The following MYBPC2 variants were observed in gnomAD, a reference collection of about 807,000 sequenced individuals.
MYBPC2 encodes the protein myosin binding protein C2, also known as myosin-binding protein C, fast-type.
Under a neutral mutation model 137.0 loss-of-function variants are expected in MYBPC2, and 122 were observed. The observed-to-expected ratio is 0.89, with a 90% CI of 0.77 to 1.03. The LOEUF (loss-of-function observed/expected upper bound fraction) is 1.03, where lower values mean the gene tolerates loss of function less well. Ranked by LOEUF, MYBPC2 falls within the 50% of genes least tolerant of loss-of-function variation. The pLI is 0.00. For missense variants in MYBPC2, 1,500 were observed against 1,534.4 expected (o/e 0.98, Z 0.37); for synonymous variants, 626 against 612.3 (o/e 1.02, Z -0.33).
chr19:50,456,387 TCC>T (rs2039914235), intron 20 of MYBPC2, among the ~76,000 whole-genome samples: 1 of 147,266 alleles, frequency 6.8e-6, no homozygotes, highest in Non-Finnish European at 1.5e-5. Context: ...TATCCATCCA[TCC>T]ATCCATCCAT....
chr19:50,448,133 C>G lies in MYBPC2; in HGVS notation c.1307-92C>G, dbSNP rs1223731723. On this transcript the variant is annotated intron_variant, in intron 12 of 27. Transcript: ENST00000357701. ...TGTCTGTGGCTGGTATCCCCAGTGC[C>G]TAGACCAGCGCCTGGCACACAGTGG... 9 of 1,451,372 alleles carry G rather than the reference C, an allele frequency of 6.2e-6. No homozygotes were observed. The Admixed American group carries it at 1.9e-4, about 30-fold the overall frequency. The allele number at this position is 1,451,372 out of a possible 1,614,324, so 89.9% of individuals were successfully genotyped here.
chr19:50,463,938 CAA>C (rs5828433), intron 26 of MYBPC2, among the ~76,000 whole-genome samples: 26,314 of 131,066 alleles, frequency 0.2, 2,976 homozygotes, highest in East Asian at 0.41. Context: ...GATTCTGTCT[CAA>C]AAAAAAAAAA....
At chr19:50,458,518 C>G (rs1012012181) in intron 20 of MYBPC2, 69 bp from the exon 21 acceptor site, 3 of 1,560,200 alleles carry the variant, frequency 1.9e-6, no homozygotes, top group Non-Finnish European at 2.6e-6. Flanking sequence ...GGGCCCAAGT[C>G]CCCGGGAGAA....
At chr19:50,443,942 C>A in intron 11 of MYBPC2, 126 bp downstream of exon 11, 1 of 831,106 alleles carries the variant, frequency 1.2e-6, no homozygotes, top group Non-Finnish European at 1.9e-6. Flanking sequence ...TAGTCATCCC[C>A]AGGAGATCTC....
At chr19:50,461,275 G>T (rs933261312) in intron 24 of MYBPC2, among the ~76,000 whole-genome samples, 5 of 152,166 alleles carry the variant, frequency 3.3e-5, no homozygotes, top group African/African-American at 1.2e-4. Flanking sequence ...AAAGAGCTGG[G>T]ATTACAGGCA....
In MYBPC2 at chr19:50,454,242, C is replaced by A. The variant is rs750872176; in HGVS notation, c.1910-23C>A. 17 of 1,613,748 alleles carry A rather than the reference C, an allele frequency of 1.1e-5. No homozygotes were observed. In the Admixed American group the frequency reaches 1.3e-4, roughly 13 times the overall value. ...GACTCCCTGAGGCCTCGAGGGGCCA[C>A]CTGACTCTCCTGCCCCCTGCAGATG... On this transcript the variant is annotated intron_variant, in intron 17 of 27. Coordinates refer to ENST00000357701, the MANE Select transcript of MYBPC2 (RefSeq NM_004533.4).
Position 50,435,230 on chromosome 19 carries a change from C to A in MYBPC2, c.89C>A (p.Ala30Asp). The A allele has an allele frequency of 1.6e-6, 2 of 1,284,022 alleles. No individual in the cohort carries two copies. The highest frequency in any genetic ancestry group is 2.2e-6 in the Non-Finnish European group (2 of 889,412). 79.5% of individuals were successfully genotyped at this position (1,284,022 alleles called of 1,614,324 possible). A position where few individuals can be genotyped will look rare whatever the true frequency, so the allele number is the denominator to read the frequency against. Residue 30 changes from alanine to aspartate, a missense_variant, in exon 2 of 28, where the codon GCT (alanine) becomes GAT (aspartate). Transcript: ENST00000357701. The surrounding 1 kb of genome is among the most constrained non-coding windows in gnomAD (Gnocchi z 4.8). Reference protein sequence around the residue: ...GAPKEAPPKEAPAEAPKEAPP... With the variant: ...GAPKEAPPKEDPAEAPKEAPP... ...CCCAAGGAGGCTCCCCCTAAGGAGG[C>A]TCCTGCAGAGGCCCCCAAAGGTGAG...
chr19:50,454,607 G>A (rs2039892054), intron 18 of MYBPC2, among the ~76,000 whole-genome samples: 1 of 151,678 alleles, frequency 6.6e-6, no homozygotes, highest in Non-Finnish European at 1.5e-5. Flanking sequence ...TGTATTTTTA[G>A]TAGAGATGGG....
intron 7 of MYBPC2, among the ~76,000 whole-genome samples, chr19:50,440,104 G>C (rs747331578): frequency 3.9e-5 from 6 of 152,076 alleles, no homozygotes; most frequent in East Asian, 3.9e-4. Flanking sequence ...GAGGGCTGGG[G>C]CTTCCTCCTG....
intron 26 of MYBPC2, among the ~76,000 whole-genome samples, chr19:50,462,530 G>A (rs1316292918): frequency 6.6e-6 from 1 of 151,858 alleles, no homozygotes; most frequent in Non-Finnish European, 1.5e-5. Context: ...CCTCTGACCA[G>A]AGCCCAAGTC....
intron 20 of MYBPC2, 144 bp from the exon 21 acceptor site, chr19:50,458,443 C>T: frequency 2.0e-6 from 2 of 978,678 alleles, no homozygotes; most frequent in Non-Finnish European, 2.9e-6. Flanking sequence ...GAATGCTTAA[C>T]TAACTCCAGC....
chr19:50,443,566 C>A lies in MYBPC2; in HGVS notation c.975C>A (p.Ala325=). ...AGTGCACGCTGGCGGATGACGCTGCCTATGAAGTAGCTGTCAAGGATGAGA... is the reference window on the plus strand; with the variant it reads ...AGTGCACGCTGGCGGATGACGCTGCATATGAAGTAGCTGTCAAGGATGAGA... ...INKCTLADDA[A]YEVAVKDEKC... The change falls in exon 10 of 28, where the codon GCC becomes GCA. Residue 325 remains alanine (A), a synonymous_variant. Coordinates refer to ENST00000357701, the MANE Select transcript of MYBPC2 (RefSeq NM_004533.4). The A allele has an allele frequency of 6.2e-7, 1 of 1,613,082 alleles. No individual in the cohort carries two copies. Among genetic ancestry groups the A allele is most frequent in the Non-Finnish European group, 8.5e-7 (1 of 1,179,522 alleles).
In MYBPC2 at chr19:50,445,933, G is replaced by T. The variant is rs752484451; in HGVS notation, c.1187G>T (p.Arg396Leu). ...TREDSFKARY[R>L]FKKDGKRHIL... ...GAGGATTCCTTCAAGGCCCGGTACC[G>T]CTTCAAGAAGGACGGGAAGCGCCAC... Residue 396 changes from arginine to leucine, a missense_variant, in exon 12 of 28, where the codon CGC (arginine) becomes CTC (leucine). By Grantham distance (102) the Arg-to-Leu change is moderately radical (BLOSUM62 -2). Transcript: ENST00000357701. 16 of 1,610,914 alleles carry T rather than the reference G, an allele frequency of 9.9e-6. No individual in the cohort carries two copies. Among genetic ancestry groups the T allele is most frequent in the Non-Finnish European group, 1.4e-5 (16 of 1,178,712 alleles).
chr19:50,448,153 C>A, intron 12 of MYBPC2, 72 bp from the exon 13 acceptor site: 1 of 1,508,158 alleles, frequency 6.6e-7, no homozygotes. Flanking sequence ...GCCTGGCACA[C>A]AGTGGGTGCT....
Position 50,443,576 on chromosome 19 carries a change from G to A in MYBPC2, c.985G>A (p.Ala329Thr), listed in dbSNP as rs756230619. The change falls in exon 10 of 28, where the codon GCT becomes ACT. Residue 329 changes from alanine to threonine, a missense_variant. Ala to Thr is a moderately conservative substitution (Grantham distance 58). Transcript: ENST00000357701. ...GGCGGATGACGCTGCCTATGAAGTA[G>A]CTGTCAAGGATGAGAAGTGTTTCAC... The part of the protein sequence containing the change: ...TLADDAAYEV[A>T]VKDEKCFTEL... The A allele has an allele frequency of 6.2e-7, 1 of 1,613,158 alleles. No homozygotes were observed. Among genetic ancestry groups the A allele is most frequent in the East Asian group, 2.2e-5 (1 of 44,884 alleles).
chr19:50,443,965 T>C, intron 11 of MYBPC2, 149 bp downstream of exon 11: 1 of 728,752 alleles, frequency 1.4e-6, no homozygotes, highest in East Asian at 2.8e-5. Flanking sequence ...CTTTTCTCTA[T>C]AAATCCTTAC....
In MYBPC2 at chr19:50,461,881, G is replaced by A. The variant is rs1226974314; in HGVS notation, c.3092-19G>A. On this transcript the variant is annotated intron_variant, in intron 25 of 27. Coordinates refer to ENST00000357701, the MANE Select transcript of MYBPC2 (RefSeq NM_004533.4). ...AGAATCTAGATCAGTCGCCTTACGGGTGCATCCTCTCTCCCCAGGAATCAC... is the reference window on the plus strand; with the variant it reads ...AGAATCTAGATCAGTCGCCTTACGGATGCATCCTCTCTCCCCAGGAATCAC... 3.8e-6 allele frequency: 6 copies of A among 1,591,272 alleles called. No homozygotes were observed. Among genetic ancestry groups the A allele is most frequent in the Non-Finnish European group, 5.1e-6 (6 of 1,168,380 alleles).
intron 14 of MYBPC2, 133 bp downstream of exon 14, chr19:50,451,068 C>A (rs1430338355): frequency 2.9e-6 from 3 of 1,023,316 alleles, no homozygotes; most frequent in Admixed American, 4.4e-5. Flanking sequence ...CTGTCCCGCT[C>A]ATGGCTGGAG....
chr19:50,439,333 C>T (rs1020022225), intron 7 of MYBPC2, among the ~76,000 whole-genome samples: 1 of 151,472 alleles, frequency 6.6e-6, no homozygotes, highest in African/African-American at 2.4e-5. Context: ...CCCACCCTTC[C>T]ACTGACCCAC....
Sources: gnomAD v4.1 joint callset for allele counts (sites outside exome capture counted in the v4.1 genomes callset) on GRCh38, gnomAD v4.1.1 for gene constraint, Gnocchi (gnomAD v3.1) non-coding constraint, MANE v1.5 for transcripts, NCBI Gene and HGNC (gene_info 2026-07-23, HGNC 2026-07-21) for gene names.